Variants in TXNDC8 observed in about 807,000 individuals in gnomAD.
The protein encoded by TXNDC8 is thioredoxin domain-containing protein 8.
Under a neutral mutation model 12.9 loss-of-function variants are expected in TXNDC8, and 15 were observed. The ratio of observed to expected loss-of-function variants is 1.16; its 90% CI spans 0.78 to 1.79. The LOEUF (loss-of-function observed/expected upper bound fraction) is 1.79, where lower values mean the gene tolerates loss of function less well. Ranked by LOEUF, TXNDC8 falls within the 40% of genes most tolerant of loss-of-function variation. The pLI is 0.00. For synonymous variants in TXNDC8, 40 were observed against 35.4 expected (o/e 1.13, Z -0.46); for missense variants, 128 against 113.2 (o/e 1.13, Z -0.59).
At chr9:110,302,818 C>T (rs1199334586), downstream of TXNDC8, among the ~76,000 whole-genome samples, 1 of 152,110 alleles carries the variant, frequency 6.6e-6, no homozygotes, top group South Asian at 2.1e-4. Flanking sequence ...AATCCCAGAA[C>T]TTTGGGAGGC....
At chr9:110,308,019 C>A (rs200318484) in intron 3 of TXNDC8, among the ~76,000 whole-genome samples, 2 of 152,164 alleles carry the variant, frequency 1.3e-5, no homozygotes, top group East Asian at 3.9e-4. Context: ...ATTTGGCAAC[C>A]ACAAAGGGAT....
chr9:110,311,336 T>C (rs1156262046), intron 3 of TXNDC8, among the ~76,000 whole-genome samples: 1 of 151,626 alleles, frequency 6.6e-6, no homozygotes, highest in Non-Finnish European at 1.5e-5. Flanking sequence ...TTTCATTATT[T>C]GGGTATTTTT....
intron 2 of TXNDC8, among the ~76,000 whole-genome samples, chr9:110,326,633 T>C (rs888409071): frequency 2.0e-5 from 3 of 152,008 alleles, no homozygotes; most frequent in Non-Finnish European, 4.4e-5. Context: ...AGTAAACAAA[T>C]CTTTATAACT....
At chr9:110,309,007 T>C (rs770312589) in intron 3 of TXNDC8, among the ~76,000 whole-genome samples, 3 of 152,240 alleles carry the variant, frequency 2.0e-5, no homozygotes, top group African/African-American at 7.2e-5. Flanking sequence ...AAGTTAGGGA[T>C]GGCTGAGAAC....
intron 3 of TXNDC8, chr9:110,322,604 G>A (rs1839146599): frequency 1.0e-6 from 1 of 985,408 alleles, no homozygotes; most frequent in African/African-American, 1.7e-5. Flanking sequence ...CACAAAATCA[G>A]TTGAGAACTC....
intron 3 of TXNDC8, 142 bp from the exon 5 acceptor site, chr9:110,304,674 G>A (rs1444478407): frequency 1.2e-5 from 8 of 654,274 alleles, no homozygotes; most frequent in Non-Finnish European, 2.0e-5. Flanking sequence ...CTAAGAGTTA[G>A]GTGGCAGCTG....
intron 3 of TXNDC8, among the ~76,000 whole-genome samples, chr9:110,325,964 A>C (rs560415014): frequency 6.4e-4 from 97 of 152,362 alleles, no homozygotes; most frequent in African/African-American, 2.3e-3. Context: ...GGGGAGATTT[A>C]TTAATAAGTC....
At chr9:110,316,515 A>G (rs1226458850) in intron 3 of TXNDC8, among the ~76,000 whole-genome samples, 2 of 152,264 alleles carry the variant, frequency 1.3e-5, no homozygotes, top group South Asian at 2.1e-4. Context: ...TTGCAACTGC[A>G]AGGGGCTTGA....
intron 2 of TXNDC8, among the ~76,000 whole-genome samples, chr9:110,331,418 C>T (rs1057148032): frequency 1.6e-4 from 24 of 152,188 alleles, no homozygotes; most frequent in African/African-American, 5.8e-4. Flanking sequence ...TTAGAATCTC[C>T]ACAGGTGGGT....
intron 3 of TXNDC8, among the ~76,000 whole-genome samples, chr9:110,318,081 G>A (rs190404927): frequency 6.6e-6 from 1 of 152,312 alleles, no homozygotes; most frequent in East Asian, 1.9e-4. Flanking sequence ...CACAAGATAA[G>A]TGTATGTCAC....
chr9:110,322,438 G>C (rs777478107), intron 3 of TXNDC8: 1 of 985,388 alleles, frequency 1.0e-6, no homozygotes, highest in Non-Finnish European at 1.2e-6. Context: ...ATTCAAAAGA[G>C]ATACATATCC....
chr9:110,311,450 G>T (rs1436097092), intron 3 of TXNDC8, among the ~76,000 whole-genome samples: 2 of 138,492 alleles, frequency 1.4e-5, no homozygotes, highest in Non-Finnish European at 1.5e-5. Flanking sequence ...TTATTTAAAG[G>T]TTATGTATAA....
At chr9:110,305,544 CTTTTTCTT>C (rs1332295320) in intron 3 of TXNDC8, among the ~76,000 whole-genome samples, 11 of 138,552 alleles carry the variant, frequency 7.9e-5, no homozygotes, top group Non-Finnish European at 1.7e-4. Context: ...CATGTATTTT[CTTTTTCTT>C]TCTTTCTTTC....
chr9:110,312,893 A>T (rs1838740206), intron 3 of TXNDC8, among the ~76,000 whole-genome samples: 1 of 152,048 alleles, frequency 6.6e-6, no homozygotes, highest in African/African-American at 2.4e-5. Flanking sequence ...TCTTGGCTAC[A>T]AGTCTTCTTT....
downstream of TXNDC8, among the ~76,000 whole-genome samples, chr9:110,301,596 G>A (rs1251433672): frequency 6.6e-6 from 1 of 152,144 alleles, no homozygotes; most frequent in Non-Finnish European, 1.5e-5. Context: ...GTTCAGGAAG[G>A]AATAGTCTGG....
chr9:110,311,557 A>ATATATC (rs1554702019), intron 3 of TXNDC8, among the ~76,000 whole-genome samples: 3 of 125,930 alleles, frequency 2.4e-5, no homozygotes, highest in Non-Finnish European at 3.3e-5. Context: ...ATATATATAT[A>ATATATC]TCTCCATACT....
At chr9:110,318,758 G>A (rs116265985) in intron 3 of TXNDC8, among the ~76,000 whole-genome samples, 2,682 of 152,036 alleles carry the variant, frequency 0.018, 88 homozygotes, top group African/African-American at 0.061. Flanking sequence ...AAATTTTAAG[G>A]GGTAGCTGCC....
At chr9:110,305,920 G>T (rs112757102) in intron 3 of TXNDC8, among the ~76,000 whole-genome samples, 1 of 147,542 alleles carries the variant, frequency 6.8e-6, no homozygotes, top group Non-Finnish European at 1.5e-5. Flanking sequence ...TTGGAGTGCC[G>T]CAATCTCAGC....
At position 110,319,939 on chromosome 9, in the gene TXNDC8, A is replaced by G. The variant is rs111617020; in HGVS notation, c.195+6236T>C. 9.5e-3 allele frequency among the ~76,000 whole-genome samples: 1,444 copies of G among 152,240 alleles called. 21 individuals carry two copies. Among genetic ancestry groups the G allele is most frequent in the African/African-American group, 0.032 (1,324 of 41,538 alleles). On this transcript the variant is annotated intron_variant, in intron 3 of 4. Coordinates refer to ENST00000423740, the MANE Select transcript of TXNDC8 (RefSeq NM_001286946.2). ...AACATAAGGGCACAAGCTTCCTCCC[A>G]CTTTATGTGATAGCTCAGTCTAGCA...
Sources: gnomAD v4.1 joint callset for allele counts (sites outside exome capture counted in the v4.1 genomes callset) on GRCh38, gnomAD v4.1.1 for gene constraint, MANE v1.5 for transcripts, NCBI Gene and HGNC (gene_info 2026-07-23, HGNC 2026-07-21) for gene names.